Variants in GLIS3 observed in about 807,000 individuals in gnomAD.
The protein encoded by GLIS3 is GLIS family zinc finger 3.
A neutral mutation model predicts 78.6 loss-of-function variants in GLIS3; 53 were observed. The ratio of observed to expected loss-of-function variants is 0.67; its 90% CI spans 0.54 to 0.85. The LOEUF is 0.85. GLIS3 is among the 40% of genes least tolerant of loss of function. The pLI is 0.00. For synonymous variants in GLIS3, 684 were observed against 509.9 expected (o/e 1.34, Z -4.60); for missense variants, 1,703 against 1,231.1 (o/e 1.38, Z -5.74).
At chr9:3,832,470 A>ATGGC (rs1393922253) in intron 9 of GLIS3, among the ~76,000 whole-genome samples, 1 of 152,160 alleles carries the variant, frequency 6.6e-6, no homozygotes, top group African/African-American at 2.4e-5. Flanking sequence ...CTTCTTGCTC[A>ATGGC]TGGCTCCTCA....
intron 6 of GLIS3, among the ~76,000 whole-genome samples, chr9:3,902,095 A>G (rs539781774): frequency 5.3e-5 from 8 of 152,350 alleles, no homozygotes; most frequent in South Asian, 2.1e-4. Flanking sequence ...AAGACGGGCA[A>G]TTCTTTCTTA....
chr9:3,861,554 G>C (rs924844598), intron 8 of GLIS3, among the ~76,000 whole-genome samples: 7 of 151,628 alleles, frequency 4.6e-5, no homozygotes, highest in Non-Finnish European at 8.8e-5. Flanking sequence ...CATCAAGATA[G>C]ACCGGATAAA....
intron 4 of GLIS3, among the ~76,000 whole-genome samples, chr9:4,100,738 A>G (rs1301065781): frequency 1.3e-5 from 2 of 152,188 alleles, no homozygotes; most frequent in Admixed American, 6.5e-5. Flanking sequence ...GGGGGGGACA[A>G]AGGAAAAAAA....
the GLIS3 span, among the ~76,000 whole-genome samples, chr9:4,414,500 T>G: frequency 6.6e-6 from 1 of 152,200 alleles, no homozygotes; most frequent in Non-Finnish European, 1.5e-5. Flanking sequence ...CAAACAATTA[T>G]AGGATTGTTT....
At chr9:4,100,987 C>G (rs1830327956) in intron 4 of GLIS3, among the ~76,000 whole-genome samples, 1 of 152,150 alleles carries the variant, frequency 6.6e-6, no homozygotes, top group African/African-American at 2.4e-5. Context: ...GAGGAAGGAA[C>G]TGGGCTGGGG....
rs756694471 is a variant in GLIS3 at position 3,896,670 on chromosome 9, T to TAATTAAAAAAA, written c.2128+2020_2128+2021insTTTTTTTAATT. ...GACAGAGTGAGACTCCCATCTCAAT[T>TAATTAAAAAAA]AAAAAAAAAAAGAAGTAGAGAGGGT... On this transcript the variant is annotated intron_variant, in intron 7 of 10. Transcript: ENST00000381971. Among the ~76,000 whole-genome samples the TAATTAAAAAAA allele has an allele frequency of 7.6e-3, 380 of 50,022 alleles. 14 individuals carry two copies. Among genetic ancestry groups the TAATTAAAAAAA allele is most frequent in the African/African-American group, 0.03 (359 of 12,064 alleles). The allele number at this position is 50,022 out of a possible 152,430, so 32.8% of individuals were successfully genotyped here.
At chr9:4,166,661 C>T (rs1278762587) in intron 2 of GLIS3, among the ~76,000 whole-genome samples, 1 of 152,194 alleles carries the variant, frequency 6.6e-6, no homozygotes, top group East Asian at 1.9e-4. Context: ...CCAGTTGGCA[C>T]TATTTATGAT....
the GLIS3 span, among the ~76,000 whole-genome samples, chr9:4,453,485 A>T: frequency 2.0e-5 from 3 of 152,146 alleles, no homozygotes; most frequent in Non-Finnish European, 4.4e-5. Flanking sequence ...AATTTACAAG[A>T]AAAAAACAAC....
intron 2 of GLIS3, among the ~76,000 whole-genome samples, chr9:4,129,503 T>A (rs1578283): frequency 0.64 from 97,440 of 151,758 alleles, 31,558 homozygotes; most frequent in South Asian, 0.73. Context: ...TCATGATAAG[T>A]GTTCTCATGT....
In GLIS3 at chr9:4,118,584, G is replaced by A. The variant is rs1831918005; in HGVS notation, c.894C>T (p.Ser298=). The A allele has an allele frequency of 6.2e-7, 1 of 1,614,140 alleles. No homozygotes were observed. The highest frequency in any genetic ancestry group is 8.5e-7 in the Non-Finnish European group (1 of 1,180,054). ...HSSTRSHSAR[S]KKRALSLSPL... is the part of the protein sequence containing the mutation. The stretch of plus-strand genomic sequence containing the variant: ...GGGACAAGGACAGCGCTCTCTTCTT[G>A]GAGCGGGCCGAGTGGGACCTGGTGG... The change falls in exon 4 of 11, where the codon TCC becomes TCT. Residue 298 remains serine, a synonymous_variant. Transcript: ENST00000381971. This position sits in a 1 kb window ranked among gnomAD's most constrained non-coding sequence, Gnocchi z 4.7.
intron 2 of GLIS3, among the ~76,000 whole-genome samples, chr9:4,284,364 G>C (rs1827803057): frequency 6.6e-6 from 1 of 152,106 alleles, no homozygotes; most frequent in South Asian, 2.1e-4. Flanking sequence ...ATAAAAGCAA[G>C]CTACGGTTCA....
At chr9:4,328,845 A>G (rs1385117677) in intron 2 of GLIS3, among the ~76,000 whole-genome samples, 1 of 152,242 alleles carries the variant, frequency 6.6e-6, no homozygotes, top group Admixed American at 6.5e-5. Context: ...CGTGACAAGC[A>G]TCCAATAAAT....
chr9:4,392,075 G>A, the GLIS3 span, among the ~76,000 whole-genome samples: 6 of 152,264 alleles, frequency 3.9e-5, no homozygotes, highest in East Asian at 1.9e-4. Context: ...ACAGCCCAAG[G>A]AATGAGATCA....
the GLIS3 span, among the ~76,000 whole-genome samples, chr9:4,482,706 T>C: frequency 0.66 from 100,939 of 152,160 alleles, 34,725 homozygotes; most frequent in African/African-American, 0.86. Flanking sequence ...ATATGGTCTG[T>C]TGATGTAACT....
intron 2 of GLIS3, among the ~76,000 whole-genome samples, chr9:4,141,256 A>G (rs376410009): frequency 2.0e-5 from 3 of 152,224 alleles, no homozygotes; most frequent in Non-Finnish European, 4.4e-5. Context: ...TCTGGGAAGA[A>G]CAACAGTTTG....
At chr9:4,434,086 C>T in the GLIS3 span, among the ~76,000 whole-genome samples, 1 of 128,878 alleles carries the variant, frequency 7.8e-6, no homozygotes, top group Admixed American at 8.6e-5. Flanking sequence ...CAGAGTGAGA[C>T]TCTGTCTCAA....
chr9:3,910,190 T>C (rs1471008), intron 6 of GLIS3, among the ~76,000 whole-genome samples: 40,012 of 152,042 alleles, frequency 0.26, 5,530 homozygotes, highest in South Asian at 0.45. Flanking sequence ...CCACACAGAA[T>C]AACTGCTCAC....
At chr9:4,375,874 G>A in the GLIS3 span, among the ~76,000 whole-genome samples, 1 of 152,006 alleles carries the variant, frequency 6.6e-6, no homozygotes, top group African/African-American at 2.4e-5. Flanking sequence ...AAGAAACTTT[G>A]GAATAGTACA....
chr9:3,875,261 T>C (rs1280429067), intron 8 of GLIS3, among the ~76,000 whole-genome samples: 1 of 152,242 alleles, frequency 6.6e-6, no homozygotes, highest in Non-Finnish European at 1.5e-5. Flanking sequence ...GTGTGCTGCT[T>C]AAATCACTGA....
Sources: allele counts gnomAD v4.1 joint callset (sites outside exome capture counted in the v4.1 genomes callset), GRCh38; gene constraint gnomAD v4.1.1; non-coding constraint Gnocchi (gnomAD v3.1); transcripts MANE v1.5; gene names NCBI Gene and HGNC (gene_info 2026-07-23, HGNC 2026-07-21).